Variants in NTM observed in about 807,000 individuals in gnomAD.
NTM encodes neurotrimin.
A neutral mutation model predicts 42.1 loss-of-function variants in NTM; 13 were observed. The ratio of observed to expected loss-of-function variants is 0.31; its 90% confidence interval spans 0.20 to 0.49. NTM has a LOEUF of 0.49. Among genes scored for constraint, NTM ranks in the 20% least tolerant of loss-of-function variants. The pLI is 0.99. For synonymous variants in NTM, 187 were observed against 179.2 expected, an observed-to-expected ratio of 1.04 and a Z score of -0.35; for missense variants, 373 against 452.8, an observed-to-expected ratio of 0.82 and a Z score of 1.60.
chr11:131,899,207 G>A (rs992424649), intron 1 of NTM, among the ~76,000 whole-genome samples: 1 of 152,062 alleles, frequency 6.6e-6, no homozygotes, highest in African/African-American at 2.4e-5. Context: ...AGGAGCAGGG[G>A]TCCCCAGCCC....
At chr11:132,042,864 A>G (rs773307847) in intron 2 of NTM, among the ~76,000 whole-genome samples, 1 of 152,200 alleles carries the variant, frequency 6.6e-6, no homozygotes, top group Non-Finnish European at 1.5e-5. Context: ...TCAAATCTCC[A>G]TAAAGACAGT....
At chr11:131,965,694 A>T (rs1024226272) in intron 2 of NTM, among the ~76,000 whole-genome samples, 1 of 151,976 alleles carries the variant, frequency 6.6e-6, no homozygotes, top group Admixed American at 6.6e-5. Context: ...GCATCTTTCA[A>T]CTCTTGTCAC....
chr11:131,834,103 C>T (rs2043174257), intron 1 of NTM, among the ~76,000 whole-genome samples: 1 of 152,088 alleles, frequency 6.6e-6, no homozygotes, highest in South Asian at 2.1e-4. Context: ...TTCGTTTGTT[C>T]ATTGGTTTCT....
At chr11:132,108,143 A>G (rs542842821) in intron 2 of NTM, among the ~76,000 whole-genome samples, 1 of 152,248 alleles carries the variant, frequency 6.6e-6, no homozygotes, top group East Asian at 1.9e-4. Context: ...CCATCTCGTA[A>G]TATCCATTGT....
chr11:131,562,791 C>G (rs1458358505), intron 1 of NTM, among the ~76,000 whole-genome samples: 3 of 152,204 alleles, frequency 2.0e-5, no homozygotes, highest in Admixed American at 6.5e-5. Flanking sequence ...CTAACCACTT[C>G]CTGTTTGTTC....
chr11:132,293,269 G>A (rs76129116), intron 4 of NTM, among the ~76,000 whole-genome samples: 48 of 152,264 alleles, frequency 3.2e-4, no homozygotes, highest in African/African-American at 1.1e-3. Flanking sequence ...GAAAAAGATG[G>A]AGCAAGCTCA....
At chr11:132,314,333 A>C (rs2095365771) in intron 6 of NTM, among the ~76,000 whole-genome samples, 1 of 152,208 alleles carries the variant, frequency 6.6e-6, no homozygotes, top group Non-Finnish European at 1.5e-5. Flanking sequence ...TTCTGGTAGG[A>C]GTGCCCCTGG....
intron 1 of NTM, among the ~76,000 whole-genome samples, chr11:131,510,528 C>A (rs533079250): frequency 1.3e-5 from 2 of 152,336 alleles, no homozygotes; most frequent in African/African-American, 4.8e-5. Context: ...TGTTACAAGA[C>A]TGTGGTCAAA....
At chr11:131,488,432 T>G (rs1447903205) in intron 1 of NTM, among the ~76,000 whole-genome samples, 1 of 152,184 alleles carries the variant, frequency 6.6e-6, no homozygotes, top group Non-Finnish European at 1.5e-5. Context: ...CTTTTTTTTA[T>G]GGTGGCTGGC....
At chr11:132,124,929 T>C (rs2065426631) in intron 2 of NTM, among the ~76,000 whole-genome samples, 1 of 152,180 alleles carries the variant, frequency 6.6e-6, no homozygotes, top group Non-Finnish European at 1.5e-5. Context: ...TGGAGGCTGG[T>C]TGGAGGCTGC....
At chr11:131,962,421 A>G (rs1489588465) in intron 2 of NTM, among the ~76,000 whole-genome samples, 3 of 152,212 alleles carry the variant, frequency 2.0e-5, no homozygotes, top group Non-Finnish European at 2.9e-5. Context: ...TGATTGGATC[A>G]TGAGGTTGGA....
At chr11:132,133,909 C>T (rs1041232402) in intron 2 of NTM, among the ~76,000 whole-genome samples, 2 of 152,244 alleles carry the variant, frequency 1.3e-5, no homozygotes, top group Non-Finnish European at 2.9e-5. Context: ...AGGGCAGCTA[C>T]AGCTGACTCT....
intron 1 of NTM, among the ~76,000 whole-genome samples, chr11:131,666,481 C>CCTGA (rs1442852555): frequency 6.6e-6 from 1 of 152,176 alleles, no homozygotes; most frequent in African/African-American, 2.4e-5. Flanking sequence ...CAGGAGACCA[C>CCTGA]CTGACTGCCC....
chr11:132,217,224 T>C (rs1234991886), intron 4 of NTM, among the ~76,000 whole-genome samples: 1 of 152,116 alleles, frequency 6.6e-6, no homozygotes, highest in Non-Finnish European at 1.5e-5. Context: ...TTATTTCAAC[T>C]GTATATGAAA....
chr11:132,298,847 TATG>T (rs1211306502), intron 4 of NTM, among the ~76,000 whole-genome samples: 1 of 152,210 alleles, frequency 6.6e-6, no homozygotes, highest in Admixed American at 6.5e-5. Context: ...TGTCAGGATC[TATG>T]ATAAATGTTT....
chr11:131,759,731 C>A (rs1376383983), intron 1 of NTM, among the ~76,000 whole-genome samples: 1 of 151,284 alleles, frequency 6.6e-6, no homozygotes, highest in Non-Finnish European at 1.5e-5. Flanking sequence ...ATAGCTGCTA[C>A]CAAACTTTAT....
intron 2 of NTM, among the ~76,000 whole-genome samples, chr11:132,099,871 G>A (rs1342871369): frequency 6.6e-6 from 1 of 152,098 alleles, no homozygotes; most frequent in Non-Finnish European, 1.5e-5. Flanking sequence ...CAGTAGGGGC[G>A]CCATGCCTCC....
At chr11:132,063,529 T>C (rs528458538) in intron 2 of NTM, among the ~76,000 whole-genome samples, 1 of 152,314 alleles carries the variant, frequency 6.6e-6, no homozygotes, top group African/African-American at 2.4e-5. Flanking sequence ...AATTTTACAG[T>C]ACCCTGTTCA....
intron 1 of NTM, chr11:131,660,639 C>A: frequency 2.2e-6 from 1 of 453,328 alleles, no homozygotes. Context: ...TGCACCCCTC[C>A]CCCCTTATTC....
Sources: gnomAD v4.1 joint callset for allele counts (sites outside exome capture counted in the v4.1 genomes callset) on GRCh38, gnomAD v4.1.1 for gene constraint, MANE v1.5 for transcripts, NCBI Gene and HGNC (gene_info 2026-07-23, HGNC 2026-07-21) for gene names.